SYCP1: variants seen among roughly 807,000 people sequenced by gnomAD.
SYCP1 encodes the protein cancer/testis antigen 8.
A neutral mutation model predicts 153.1 loss-of-function variants in SYCP1; 64 were observed. That is an observed-to-expected ratio of 0.42 (90% CI 0.34 to 0.51). SYCP1 has a LOEUF of 0.51. SYCP1 is among the 20% of genes least tolerant of loss of function. SYCP1 has a pLI of 0.06. For missense variants in SYCP1, 997 were observed against 1,049.0 expected (o/e 0.95, Z 0.68); for synonymous variants, 384 against 341.8 (o/e 1.12, Z -1.36).
chr1:114,872,448 T>A (rs910195737), intron 8 of SYCP1, among the ~76,000 whole-genome samples: 1 of 152,178 alleles, frequency 6.6e-6, no homozygotes, highest in African/African-American at 2.4e-5. Flanking sequence ...GTAAAATGTT[T>A]TTTTCCTCTA....
intron 12 of SYCP1, among the ~76,000 whole-genome samples, chr1:114,879,976 C>T (rs1452564497): frequency 6.6e-6 from 1 of 152,046 alleles, no homozygotes; most frequent in African/African-American, 2.4e-5. Context: ...TAAGTTTTCT[C>T]CTCTTTTAAA....
At chr1:114,938,156 A>G (rs1270367069) in intron 23 of SYCP1, among the ~76,000 whole-genome samples, 2 of 152,228 alleles carry the variant, frequency 1.3e-5, no homozygotes, top group African/African-American at 2.4e-5. Flanking sequence ...CCAAATGTCC[A>G]TCAATGATAG....
At chr1:114,941,202 G>GA (rs1266606027) in intron 23 of SYCP1, among the ~76,000 whole-genome samples, 1 of 151,458 alleles carries the variant, frequency 6.6e-6, no homozygotes, top group Non-Finnish European at 1.5e-5. Context: ...AAATTTGGTT[G>GA]AAAAAAAATC....
At chr1:114,951,998 T>C (rs530685447) in intron 27 of SYCP1, among the ~76,000 whole-genome samples, 8 of 152,308 alleles carry the variant, frequency 5.3e-5, no homozygotes, top group South Asian at 2.1e-4. Context: ...TAAATACTTT[T>C]TTTTAGTTTT....
chr1:114,860,483 GTTTA>G (rs964534797), intron 7 of SYCP1, among the ~76,000 whole-genome samples: 1 of 152,028 alleles, frequency 6.6e-6, no homozygotes, highest in Non-Finnish European at 1.5e-5. Context: ...ACTTTTATTT[GTTTA>G]TTTATTTTAG....
chr1:114,914,003 T>C lies in SYCP1; in HGVS notation c.1676T>C (p.Leu559Ser). The change falls in exon 20 of 32, where the codon TTG (leucine) becomes TCG (serine). Residue 559 changes from leucine (L) to serine (S), a missense_variant. Around this residue, in one of 2 missense-constraint regions of SYCP1, gnomAD observed 712 missense variants for 682.9 expected, o/e 1.04. Transcript: ENST00000369522. ...AACAAAAAGCAAGAAGAAAGGATGT[T>C]GAAACAAATAGAAAATCTTCAAGAA... ...NNNKKQEERM[L>S]KQIENLQETE... 1 of 1,578,454 alleles carries C rather than the reference T, an allele frequency of 6.3e-7. No homozygotes were observed. Among genetic ancestry groups the C allele is most frequent in the Admixed American group, 1.8e-5 (1 of 55,194 alleles).
intron 8 of SYCP1, among the ~76,000 whole-genome samples, chr1:114,863,591 A>G (rs1459097839): frequency 6.6e-6 from 1 of 152,028 alleles, no homozygotes. Flanking sequence ...CCTCACCAGC[A>G]TCTGTTGTTT....
chr1:114,930,435 G>A (rs1198205308), intron 23 of SYCP1, among the ~76,000 whole-genome samples: 1 of 151,862 alleles, frequency 6.6e-6, no homozygotes, highest in East Asian at 1.9e-4. Flanking sequence ...AAAAAAGGGA[G>A]AGAAAGTAAA....
chr1:114,982,598 T>C (rs1328243357), intron 29 of SYCP1, among the ~76,000 whole-genome samples: 4 of 151,894 alleles, frequency 2.6e-5, no homozygotes, highest in Admixed American at 2.6e-4. Flanking sequence ...GATATTCCAT[T>C]TAGTGAGATG....
chr1:114,954,566 TA>T (rs1407790606), intron 27 of SYCP1, among the ~76,000 whole-genome samples: 1 of 150,522 alleles, frequency 6.6e-6, no homozygotes, highest in Non-Finnish European at 1.5e-5. Context: ...TTTATTTATT[TA>T]TTTATTTATT....
chr1:114,968,358 T>C (rs1183928986), intron 27 of SYCP1, among the ~76,000 whole-genome samples: 1 of 152,254 alleles, frequency 6.6e-6, no homozygotes, highest in African/African-American at 2.4e-5. Context: ...CCCATATTTC[T>C]TGGAGGCTTT....
intron 23 of SYCP1, 98 bp from the exon 24 acceptor site, chr1:114,944,241 A>C (rs1331321590): frequency 5.8e-6 from 4 of 688,144 alleles, no homozygotes; most frequent in Non-Finnish European, 9.9e-6. Context: ...ATGAATAAGT[A>C]ATCTTCTAAG....
chr1:114,899,854 C>G (rs1187889537), intron 16 of SYCP1, among the ~76,000 whole-genome samples: 2 of 152,162 alleles, frequency 1.3e-5, no homozygotes. Context: ...CTCCAGAGGC[C>G]CTTCTGAAGC....
At chr1:114,895,397 C>T in intron 15 of SYCP1, 51 bp from the exon 16 acceptor site, 1 of 1,219,384 alleles carries the variant, frequency 8.2e-7, no homozygotes, top group East Asian at 2.5e-5. Flanking sequence ...TGTCTCTTTT[C>T]CTATTCTTTT....
chr1:114,947,157 T>C, intron 26 of SYCP1, 89 bp from the exon 27 acceptor site: 1 of 949,006 alleles, frequency 1.1e-6, no homozygotes, highest in Non-Finnish European at 1.6e-6. Context: ...CTCTACAATA[T>C]TAAATTTACT....
At chr1:114,919,037 A>G (rs1338829920) in intron 20 of SYCP1, among the ~76,000 whole-genome samples, 1 of 152,108 alleles carries the variant, frequency 6.6e-6, no homozygotes, top group Non-Finnish European at 1.5e-5. Flanking sequence ...GACCTCCAGT[A>G]CTATGTTGAA....
intron 16 of SYCP1, among the ~76,000 whole-genome samples, chr1:114,907,345 G>C (rs1200567294): frequency 2.0e-5 from 3 of 152,150 alleles, no homozygotes; most frequent in Admixed American, 2.0e-4. Flanking sequence ...GCTTAGATTA[G>C]ATTCACCATT....
intron 15 of SYCP1, among the ~76,000 whole-genome samples, chr1:114,888,707 T>A (rs1030439335): frequency 2.6e-5 from 4 of 152,118 alleles, no homozygotes; most frequent in African/African-American, 4.8e-5. Context: ...ACTTACTTTT[T>A]AAAAATTATT....
intron 27 of SYCP1, among the ~76,000 whole-genome samples, chr1:114,967,395 C>T (rs946527876): frequency 8.0e-5 from 12 of 150,932 alleles, no homozygotes; most frequent in Non-Finnish European, 1.5e-4. Flanking sequence ...GTTAGCTCTT[C>T]TTGTTGCATT....
Sources: gnomAD v4.1 joint callset for allele counts (sites outside exome capture counted in the v4.1 genomes callset) on GRCh38, gnomAD v4.1.1 for gene constraint, gnomAD v4.1.1 regional missense constraint, MANE v1.5 for transcripts, NCBI Gene and HGNC (gene_info 2026-07-23, HGNC 2026-07-21) for gene names.